CCNB1: variants seen among roughly 807,000 people sequenced by gnomAD.
CCNB1 encodes the protein G2/mitotic-specific cyclin-B1.
In CCNB1, 26 loss-of-function variants were observed where a neutral mutation model predicts 44.4. That is an observed-to-expected ratio of 0.59 (90% CI 0.43 to 0.81). The LOEUF (loss-of-function observed/expected upper bound fraction) is 0.81. Ranked by LOEUF, CCNB1 falls within the 40% of genes least tolerant of loss-of-function variation. CCNB1 has a pLI of 0.00. For missense variants in CCNB1, 477 were observed against 520.9 expected (o/e 0.92, Z 0.82); for synonymous variants, 195 against 181.4 (o/e 1.08, Z -0.60).
intron 1 of CCNB1, 129 bp downstream of exon 1, chr5:69,167,412 A>G (rs889207769): frequency 9.6e-7 from 1 of 1,039,524 alleles, no homozygotes; most frequent in South Asian, 1.3e-5. Context: ...GTGGGAGGGG[A>G]CTCACCAAGA....
intron 3 of CCNB1, among the ~76,000 whole-genome samples, chr5:69,170,938 A>G (rs1433684832): frequency 6.6e-6 from 1 of 152,094 alleles, no homozygotes; most frequent in East Asian, 1.9e-4. Context: ...TAATTGAGGA[A>G]TTAAATGATC....
At chr5:69,173,295 C>CT (rs1248543571) in intron 4 of CCNB1, among the ~76,000 whole-genome samples, 1 of 152,052 alleles carries the variant, frequency 6.6e-6, no homozygotes, top group African/African-American at 2.4e-5. Flanking sequence ...GTACCCACGG[C>CT]TTGGGTATGT....
At chr5:69,173,128 CA>C (rs1747501640) in intron 4 of CCNB1, among the ~76,000 whole-genome samples, 1 of 152,044 alleles carries the variant, frequency 6.6e-6, no homozygotes, top group African/African-American at 2.4e-5. Flanking sequence ...GCCATTTATG[CA>C]AAGCAACCCC....
chr5:69,170,985 T>C (rs896563574), intron 3 of CCNB1, among the ~76,000 whole-genome samples: 1 of 152,178 alleles, frequency 6.6e-6, no homozygotes, highest in Non-Finnish European at 1.5e-5. Flanking sequence ...GGTTTTGCTA[T>C]GTTGCCCAGG....
At position 69,178,009 on chromosome 5, in the gene CCNB1, C is replaced by T. The variant is rs1685654718; in HGVS notation, c.*378C>T. ...TGTAAGCCAAGTCATGGAGAATCTG[C>T]TGCATAGCTCTATTTTAAAGTAAAA... On this transcript the variant is annotated 3_prime_UTR_variant, in exon 9 of 9. Transcript: ENST00000256442. 1 of 158,696 alleles carries T rather than the reference C, an allele frequency of 6.3e-6. No homozygotes were observed. Among genetic ancestry groups the T allele is most frequent in the South Asian group, 1.9e-4 (1 of 5,194 alleles). The allele number at this position is 158,696 out of a possible 1,614,324, so 9.8% of individuals were successfully genotyped here.
In CCNB1 at chr5:69,168,228, T is replaced by C. The variant is rs1747381092; in HGVS notation, c.248T>C (p.Leu83Pro). ...ATTGATAAAAAACTACCAAAACCTC[T>C]TGAAAAGGTACCTATGCTGGTGCCA... ...KVIDKKLPKP[L>P]EKVPMLVPVP... The change falls in exon 3 of 9, where the codon CTT becomes CCT. Residue 83 changes from leucine (L) to proline (P), a missense_variant. Leu to Pro is a moderately conservative substitution (Grantham distance 98). Transcript: ENST00000256442. 1 of 1,614,072 alleles carries C rather than the reference T, an allele frequency of 6.2e-7. No individual in the cohort carries two copies. The highest frequency in any genetic ancestry group is 1.7e-5 in the Admixed American group (1 of 60,000).
At position 69,168,254 on chromosome 5, in the gene CCNB1, G is replaced by A. The variant is rs1196817459; in HGVS notation, c.274G>A (p.Val92Met). ...TGAAAAGGTACCTATGCTGGTGCCA[G>A]TGCCAGTGTCTGAGCCAGTGCCAGA... ...PLEKVPMLVP[V>M]PVSEPVPEPE... The change falls in exon 3 of 9, where the codon GTG becomes ATG. Residue 92 changes from valine to methionine, a missense_variant. Val to Met is a conservative substitution (Grantham distance 21, BLOSUM62 1). Transcript: ENST00000256442. 2 of 1,613,982 alleles carry A rather than the reference G, an allele frequency of 1.2e-6. No homozygotes were observed. The highest frequency in any genetic ancestry group is 2.7e-5 in the African/African-American group (2 of 74,912).
rs1237165789 is a variant in CCNB1, at chr5:69,167,177, T to C, written c.-86T>C. On this transcript the variant is annotated 5_prime_UTR_variant, in exon 1 of 9. Coordinates refer to ENST00000256442, the MANE Select transcript of CCNB1 (RefSeq NM_031966.4). Reference sequence around the variant, plus strand: ...CGTGCTGCGGCGGAACGGCTGTTGGTTTCTGCTGGGTGTAGGTCCTTGGCT... The same window carrying C: ...CGTGCTGCGGCGGAACGGCTGTTGGCTTCTGCTGGGTGTAGGTCCTTGGCT... 5 of 1,199,686 alleles carry C rather than the reference T, an allele frequency of 4.2e-6. No individual in the cohort carries two copies. The allele number at this position is 1,199,686 out of a possible 1,614,324, so 74.3% of individuals were successfully genotyped here. A position where few individuals can be genotyped will look rare whatever the true frequency, so the allele number is the denominator to read the frequency against.
At chr5:69,176,542 A>ATATATTT (rs1554057063) in intron 7 of CCNB1, among the ~76,000 whole-genome samples, 2 of 146,142 alleles carry the variant, frequency 1.4e-5, no homozygotes, top group Non-Finnish European at 3.0e-5. Flanking sequence ...ATATATATAT[A>ATATATTT]TTTTTTTTTA....
chr5:69,171,445 A>G lies in CCNB1; in HGVS notation c.539A>G (p.Gln180Arg), dbSNP rs1747457813. 2.5e-6 allele frequency: 4 copies of G among 1,595,104 alleles called. No homozygotes were observed. Among genetic ancestry groups the G allele is most frequent in the Admixed American group, 1.8e-5 (1 of 55,000 alleles). ...YVKDIYAYLR[Q>R]LEEEQAVRPK... ...AAAGATATTTATGCTTATCTGAGAC[A>G]ACTTGAGGTAAGTATTATCATTCGT... Residue 180 changes from glutamine to arginine, a missense_variant, in exon 4 of 9, where the codon CAA becomes CGA. Coordinates refer to ENST00000256442, the MANE Select transcript of CCNB1 (RefSeq NM_031966.4).
rs1390232972 is a variant in CCNB1, at chr5:69,171,463, T to C, written c.546+11T>C. ...CTGAGACAACTTGAGGTAAGTATTA[T>C]CATTCGTTTTTTTTCTAAACTGCAT... On this transcript the variant is annotated intron_variant, in intron 4 of 8. Transcript: ENST00000256442. The C allele has an allele frequency of 1.1e-5, 18 of 1,568,934 alleles. No individual in the cohort carries two copies. The highest frequency in any genetic ancestry group is 1.3e-5 in the Non-Finnish European group (15 of 1,157,714).
chr5:69,175,982 A>AATATATATATATATATATAT lies in CCNB1; in HGVS notation c.1083+459_1083+478dup, dbSNP rs68140968. On this transcript the variant is annotated intron_variant, in intron 7 of 8. Transcript: ENST00000256442. Reference sequence around the variant, plus strand: ...CCTCATCTTTACAAAAAATATATAAAATATATATATATATATATATATATA... The same window carrying AATATATATATATATATATAT: ...CCTCATCTTTACAAAAAATATATAAAATATATATATATATATATATATATATATATATATATATATATATA... Among the ~76,000 whole-genome samples the AATATATATATATATATATAT allele has an allele frequency of 7.2e-4, 84 of 116,378 alleles. 1 individual carries two copies. Among genetic ancestry groups the AATATATATATATATATATAT allele is most frequent in the East Asian group, 1.8e-3 (6 of 3,254 alleles). 76.3% of individuals were successfully genotyped at this position (116,378 alleles called of 152,430 possible).
chr5:69,168,398 C>T (rs533849509), intron 3 of CCNB1, 55 bp downstream of exon 3: 23 of 1,593,992 alleles, frequency 1.4e-5, no homozygotes, highest in Non-Finnish European at 1.8e-5. Flanking sequence ...TCCCTTATTT[C>T]ACTGATACAT....
Position 69,177,766 on chromosome 5 carries a change from A to G in CCNB1, c.*135A>G. ...CTTTTTTATAGCTTAACTAATTTGAATGTGGTTACTTCCTACTGTAGGGTA... is the reference window on the plus strand; with the variant it reads ...CTTTTTTATAGCTTAACTAATTTGAGTGTGGTTACTTCCTACTGTAGGGTA... On this transcript the variant is annotated 3_prime_UTR_variant, in exon 9 of 9. Transcript: ENST00000256442. The G allele has an allele frequency of 8.3e-6, 5 of 603,152 alleles. No homozygotes were observed. The highest frequency in any genetic ancestry group is 1.5e-5 in the Non-Finnish European group (5 of 336,338). 37.4% of individuals were successfully genotyped at this position (603,152 alleles called of 1,614,324 possible).
At chr5:69,168,786 T>C (rs894602683) in intron 3 of CCNB1, among the ~76,000 whole-genome samples, 3 of 152,258 alleles carry the variant, frequency 2.0e-5, no homozygotes, top group African/African-American at 7.2e-5. Context: ...ATTTTTTTAC[T>C]GCTGCATATG....
chr5:69,173,912 G>C (rs1183970684), intron 4 of CCNB1, among the ~76,000 whole-genome samples: 3 of 152,070 alleles, frequency 2.0e-5, no homozygotes, highest in Admixed American at 1.3e-4. Flanking sequence ...TGGAACTACA[G>C]GTGTGCGCAA....
rs767702393 is a variant in CCNB1, at chr5:69,167,973, G to A, written c.87G>A (p.Thr29=). Reference sequence around the variant, plus strand: ...TGGCAGGCGCAAAGCGCGTTCCTACGGCCCCTGCTGCAACCTCCAAGCCCG... The same window carrying A: ...TGGCAGGCGCAAAGCGCGTTCCTACAGCCCCTGCTGCAACCTCCAAGCCCG... ...INMAGAKRVP[T]APAATSKPGL... is the part of the protein sequence containing the mutation. Residue 29 remains threonine, a synonymous_variant, in exon 2 of 9, where the codon ACG becomes ACA. Coordinates refer to ENST00000256442, the MANE Select transcript of CCNB1 (RefSeq NM_031966.4). 2.5e-6 allele frequency: 4 copies of A among 1,614,082 alleles called. No homozygotes were observed. Among genetic ancestry groups the A allele is most frequent in the Non-Finnish European group, 3.4e-6 (4 of 1,180,004 alleles).
intron 4 of CCNB1, among the ~76,000 whole-genome samples, chr5:69,172,088 G>GT (rs1747473137): frequency 6.6e-6 from 1 of 151,922 alleles, no homozygotes; most frequent in Non-Finnish European, 1.5e-5. Flanking sequence ...TTGTTGTTTT[G>GT]TTTTTTTGAG....
chr5:69,175,238 C>A, intron 6 of CCNB1, 125 bp downstream of exon 6: 42 of 1,036,024 alleles, frequency 4.1e-5, no homozygotes, highest in Non-Finnish European at 5.9e-5. Flanking sequence ...TAAAGTTGTT[C>A]TTTATTTCTA....
Sources: gnomAD v4.1 joint callset for allele counts (sites outside exome capture counted in the v4.1 genomes callset) on GRCh38, gnomAD v4.1.1 for gene constraint, MANE v1.5 for transcripts, NCBI Gene and HGNC (gene_info 2026-07-23, HGNC 2026-07-21) for gene names.